The following PTPRG variants were observed in gnomAD, a reference collection of about 807,000 sequenced individuals.
PTPRG encodes protein tyrosine phosphatase receptor type G.
PTPRG carries 102 observed loss-of-function variants against 165.3 expected under a neutral mutation model. That is an observed-to-expected ratio of 0.62 (90% CI 0.53 to 0.73). The LOEUF is 0.73. Ranked by LOEUF, PTPRG falls within the 30% of genes least tolerant of loss-of-function variation. The probability of loss-of-function intolerance (pLI) is 0.00; values close to 1 mark genes in which losing one functional copy is unlikely to be tolerated. For missense variants in PTPRG, 1,866 were observed against 1,861.4 expected (o/e 1.00, Z -0.05); for synonymous variants, 675 against 669.5 (o/e 1.01, Z -0.13).
At chr3:61,655,267 C>T (rs1219854192) in intron 1 of PTPRG, among the ~76,000 whole-genome samples, 1 of 152,134 alleles carries the variant, frequency 6.6e-6, no homozygotes, top group Non-Finnish European at 1.5e-5. Flanking sequence ...CTTCTTTGTC[C>T]TTATTTCATC....
intron 2 of PTPRG, among the ~76,000 whole-genome samples, chr3:61,963,237 A>T (rs2040194264): frequency 6.6e-6 from 1 of 152,180 alleles, no homozygotes. Flanking sequence ...GGTTTTAAAT[A>T]CCATTTTATA....
rs538182016 is a variant in PTPRG at position 61,915,632 on chromosome 3, T to C, written c.191-73993T>C. On this transcript the variant is annotated intron_variant, in intron 2 of 29. Coordinates refer to ENST00000474889, the MANE Select transcript of PTPRG (RefSeq NM_002841.4). Reference sequence around the variant, plus strand: ...TCAGAAGCTATAGTTTAAGCCTTGCTGAATGAGGCCTTTTAGGAACATATT... The same window carrying C: ...TCAGAAGCTATAGTTTAAGCCTTGCCGAATGAGGCCTTTTAGGAACATATT... 5.9e-5 allele frequency among the ~76,000 whole-genome samples: 9 copies of C among 152,342 alleles called. No homozygotes were observed. In the South Asian group the frequency reaches 1.9e-3, roughly 32 times the overall value.
chr3:61,811,345 C>T (rs1324975345), intron 2 of PTPRG, among the ~76,000 whole-genome samples: 1 of 152,226 alleles, frequency 6.6e-6, no homozygotes. Flanking sequence ...TGTACCCAAA[C>T]ACCAGTGAGC....
At chr3:61,880,556 C>T (rs889106656) in intron 2 of PTPRG, among the ~76,000 whole-genome samples, 6 of 143,526 alleles carry the variant, frequency 4.2e-5, no homozygotes, top group African/African-American at 1.3e-4. Flanking sequence ...CTTGGAAAGT[C>T]GAAGCTGCAG....
intron 1 of PTPRG, among the ~76,000 whole-genome samples, chr3:61,720,215 C>T (rs1305029272): frequency 6.6e-6 from 1 of 152,004 alleles, no homozygotes; most frequent in Non-Finnish European, 1.5e-5. Context: ...CCTCCACCTC[C>T]TGGGTTCAAG....
Position 62,195,138 on chromosome 3 carries a change from G to C in PTPRG, c.1295G>C (p.Arg432Pro). The change falls in exon 10 of 30, where the codon CGC becomes CCC. Residue 432 changes from arginine (R) to proline (P), a missense_variant. Physicochemically the swap from Arg to Pro is moderately radical, Grantham distance 103. Around this residue, in one of 3 missense-constraint regions of PTPRG, gnomAD observed 1,452 missense variants for 1,463.0 expected, o/e 0.99. Transcript: ENST00000474889. The surrounding 1 kb of genome is among the most constrained non-coding windows in gnomAD (Gnocchi z 4.4). ...CAGGCCGTGTGTCGGAACGACATGC[G>C]CAGCGACTTTAGCCAGACGATGCTG... ...RVQAVCRNDM[R>P]SDFSQTMLFQ... 6.2e-7 allele frequency: 1 copy of C among 1,614,168 alleles called. No homozygotes were observed. The highest frequency in any genetic ancestry group is 8.5e-7 in the Non-Finnish European group (1 of 1,180,036).
chr3:61,998,486 A>T (rs992370177), intron 3 of PTPRG, among the ~76,000 whole-genome samples: 2 of 152,214 alleles, frequency 1.3e-5, no homozygotes, highest in Non-Finnish European at 2.9e-5. Flanking sequence ...AATTTTACAG[A>T]ATAGGAACGA....
At chr3:61,850,600 C>G (rs62243199) in intron 2 of PTPRG, among the ~76,000 whole-genome samples, 18,699 of 152,130 alleles carry the variant, frequency 0.12, 1,714 homozygotes, top group East Asian at 0.49. Context: ...GTATATACTT[C>G]CTGTTTTAAA....
intron 14 of PTPRG, among the ~76,000 whole-genome samples, chr3:62,235,704 C>G (rs571630401): frequency 1.3e-5 from 2 of 152,318 alleles, no homozygotes; most frequent in South Asian, 4.1e-4. Flanking sequence ...TCACTTCTGA[C>G]TGTACCAAAA....
chr3:61,580,313 C>G (rs1700258500), intron 1 of PTPRG, among the ~76,000 whole-genome samples: 1 of 151,584 alleles, frequency 6.6e-6, no homozygotes, highest in South Asian at 2.1e-4. Context: ...CAGTTATACT[C>G]AGATTTTCGA....
chr3:61,995,860 A>G lies in PTPRG; in HGVS notation c.370+6056A>G, dbSNP rs114918824. On this transcript the variant is annotated intron_variant, in intron 3 of 29. Coordinates refer to ENST00000474889, the MANE Select transcript of PTPRG (RefSeq NM_002841.4). ...TCTCTGCTCACTGCAACCTCTGACTATTCTTTGTATTCTGTTGGACTCGAT... is the reference window on the plus strand; with the variant it reads ...TCTCTGCTCACTGCAACCTCTGACTGTTCTTTGTATTCTGTTGGACTCGAT... 4.3e-3 allele frequency among the ~76,000 whole-genome samples: 643 copies of G among 151,014 alleles called. 2 individuals are homozygous for G. The highest frequency in any genetic ancestry group is 0.015 in the African/African-American group (618 of 41,062).
chr3:62,027,606 G>A (rs1699606571), intron 4 of PTPRG, among the ~76,000 whole-genome samples: 1 of 152,074 alleles, frequency 6.6e-6, no homozygotes, highest in Non-Finnish European at 1.5e-5. Flanking sequence ...AAATATTTTC[G>A]AGTGCCAACT....
chr3:61,760,959 A>T (rs1479813869), intron 2 of PTPRG, among the ~76,000 whole-genome samples: 1 of 151,844 alleles, frequency 6.6e-6, no homozygotes, highest in East Asian at 1.9e-4. Context: ...GCTGCATAGT[A>T]CTCCATGATG....
chr3:61,680,455 A>G (rs1461587662), intron 1 of PTPRG, among the ~76,000 whole-genome samples: 1 of 150,292 alleles, frequency 6.7e-6, no homozygotes, highest in African/African-American at 2.4e-5. Context: ...AAATCCAGAA[A>G]CATCAGCGTT....
intron 26 of PTPRG, among the ~76,000 whole-genome samples, chr3:62,279,160 T>C (rs1047472502): frequency 3.3e-5 from 5 of 152,036 alleles, no homozygotes; most frequent in African/African-American, 1.2e-4. Context: ...GTTTGTTGTA[T>C]TATTACTGCT....
At chr3:62,123,555 TCAC>T in intron 5 of PTPRG, among the ~76,000 whole-genome samples, 1 of 152,284 alleles carries the variant, frequency 6.6e-6, no homozygotes, top group South Asian at 2.1e-4. Context: ...AAGCAGGCAA[TCAC>T]CATTCAATAA....
chr3:62,284,349 T>C (rs1229390365), intron 28 of PTPRG, among the ~76,000 whole-genome samples: 2 of 152,098 alleles, frequency 1.3e-5, no homozygotes, highest in Non-Finnish European at 2.9e-5. Context: ...GCTGAAAATA[T>C]ATCCCCTCCA....
At chr3:61,657,265 G>A (rs555955930) in intron 1 of PTPRG, among the ~76,000 whole-genome samples, 2 of 152,200 alleles carry the variant, frequency 1.3e-5, no homozygotes, top group Admixed American at 6.5e-5. Context: ...GGCATGTGGA[G>A]GACCTCTCTA....
chr3:62,218,902 A>T lies in PTPRG; in HGVS notation c.2207A>T (p.Glu736Val). The T allele has an allele frequency of 6.2e-7, 1 of 1,614,008 alleles. No homozygotes were observed. The highest frequency in any genetic ancestry group is 8.5e-7 in the Non-Finnish European group (1 of 1,179,886). The change falls in exon 13 of 30, where the codon GAG becomes GTG. Residue 736 changes from glutamate to valine, a missense_variant. Transcript: ENST00000474889. ...MISRPAPGRM[E>V]WIIPLIVVSA... is the part of the protein sequence containing the mutation. ...AGCCGCCCTGCTCCAGGGAGGATGG[A>T]GTGGATCATCCCTCTGATTGTGGTA...
Sources: gnomAD v4.1 joint callset for allele counts (sites outside exome capture counted in the v4.1 genomes callset) on GRCh38, gnomAD v4.1.1 for gene constraint, gnomAD v4.1.1 regional missense constraint, Gnocchi (gnomAD v3.1) non-coding constraint, MANE v1.5 for transcripts, NCBI Gene and HGNC (gene_info 2026-07-23, HGNC 2026-07-21) for gene names.